KCNIP4: variants seen among roughly 807,000 people sequenced by gnomAD.
KCNIP4 encodes Kv channel-interacting protein 4.
In KCNIP4, 12 loss-of-function variants were observed where a neutral mutation model predicts 34.0. That is an observed-to-expected ratio of 0.35 (90% CI 0.23 to 0.57). The LOEUF is 0.57. KCNIP4 is among the 20% of genes least tolerant of loss of function. KCNIP4 has a pLI of 0.83. For synonymous variants in KCNIP4, 124 were observed against 102.2 expected (o/e 1.21, Z -1.29); for missense variants, 238 against 311.7 (o/e 0.76, Z 1.78).
intron 1 of KCNIP4, among the ~76,000 whole-genome samples, chr4:21,148,050 C>T (rs1199546344): frequency 6.6e-6 from 1 of 151,322 alleles, no homozygotes; most frequent in African/African-American, 2.4e-5. Flanking sequence ...TTTTCCCCTC[C>T]AAATCATAGA....
chr4:21,405,557 T>C (rs1723913373), intron 1 of KCNIP4, among the ~76,000 whole-genome samples: 1 of 152,220 alleles, frequency 6.6e-6, no homozygotes, highest in African/African-American at 2.4e-5. Context: ...GAAGTGACTA[T>C]GTGCCACTTT....
At chr4:20,837,360 T>A (rs1719166861) in intron 3 of KCNIP4, among the ~76,000 whole-genome samples, 1 of 152,136 alleles carries the variant, frequency 6.6e-6, no homozygotes, top group South Asian at 2.1e-4. Flanking sequence ...CAACATATTT[T>A]ATTTTAATAA....
At chr4:20,755,692 A>G (rs1457393025) in intron 4 of KCNIP4, among the ~76,000 whole-genome samples, 7 of 152,192 alleles carry the variant, frequency 4.6e-5, no homozygotes. Context: ...AGGTGTTGCA[A>G]TTTAAGATAG....
At chr4:20,762,761 G>A (rs2149365007) in intron 3 of KCNIP4, among the ~76,000 whole-genome samples, 3 of 152,254 alleles carry the variant, frequency 2.0e-5, no homozygotes, top group Admixed American at 2.0e-4. Flanking sequence ...TTTGGGATTT[G>A]GAATATTCAC....
intron 1 of KCNIP4, among the ~76,000 whole-genome samples, chr4:20,940,245 G>A (rs886589088): frequency 1.3e-5 from 2 of 152,124 alleles, no homozygotes; most frequent in Admixed American, 6.6e-5. Flanking sequence ...TGCATTAGAT[G>A]CAATTTCTCA....
At chr4:21,050,661 A>G (rs2108946382) in intron 1 of KCNIP4, among the ~76,000 whole-genome samples, 1 of 152,358 alleles carries the variant, frequency 6.6e-6, no homozygotes, top group East Asian at 1.9e-4. Context: ...TGATGGTTCA[A>G]CCAGCTAAGT....
chr4:21,691,761 G>A (rs1024610928), intron 1 of KCNIP4, among the ~76,000 whole-genome samples: 34 of 143,650 alleles, frequency 2.4e-4, no homozygotes, highest in African/African-American at 7.1e-4. Flanking sequence ...GTGCAATGGC[G>A]CCATCTTGGC....
rs1221919315 is a variant in KCNIP4, at chr4:20,728,765, T to TATC, written c.*1314_*1316dup. 5 of 152,544 alleles carry TATC rather than the reference T, an allele frequency of 3.3e-5. No individual in the cohort carries two copies. Among genetic ancestry groups the TATC allele is most frequent in the East Asian group, 1.9e-4 (1 of 5,186 alleles). 9.4% of individuals were successfully genotyped at this position (152,544 alleles called of 1,614,324 possible). On this transcript the variant is annotated 3_prime_UTR_variant, in exon 9 of 9. Transcript: ENST00000382152. ...GATAGCAGGGCAGCTTTCAACATCC[T>TATC]ATCTCTACACCAGAATAGATACCTG...
chr4:20,981,572 C>A (rs1050680727), intron 1 of KCNIP4, among the ~76,000 whole-genome samples: 1 of 152,136 alleles, frequency 6.6e-6, no homozygotes, highest in Non-Finnish European at 1.5e-5. Flanking sequence ...TGCTTCTGCT[C>A]GCAGTTACAT....
intron 1 of KCNIP4, among the ~76,000 whole-genome samples, chr4:21,275,932 A>G (rs952810036): frequency 3.9e-5 from 6 of 152,162 alleles, no homozygotes; most frequent in Non-Finnish European, 7.3e-5. Flanking sequence ...AAATACACTA[A>G]CAGTAATGAT....
chr4:21,107,453 T>C (rs932717770), intron 1 of KCNIP4, among the ~76,000 whole-genome samples: 11 of 151,396 alleles, frequency 7.3e-5, no homozygotes, highest in Non-Finnish European at 1.5e-4. Context: ...ATTTGCTCGG[T>C]AGATTTTCCT....
chr4:21,700,912 A>G (rs1026306809), intron 1 of KCNIP4, among the ~76,000 whole-genome samples: 1 of 152,156 alleles, frequency 6.6e-6, no homozygotes, highest in African/African-American at 2.4e-5. Context: ...GGGGATATAT[A>G]TAAAAAATTA....
chr4:21,424,898 C>T (rs1725806051), intron 1 of KCNIP4, among the ~76,000 whole-genome samples: 2 of 152,110 alleles, frequency 1.3e-5, no homozygotes, highest in African/African-American at 2.4e-5. Context: ...AATCCTGTCC[C>T]CAAATGTGCA....
Position 20,972,142 on chromosome 4 carries a change from A to T in KCNIP4, c.62-89433T>A, listed in dbSNP as rs78696663. On this transcript the variant is annotated intron_variant, in intron 1 of 8. Transcript: ENST00000382152. Reference sequence around the variant, plus strand: ...ACATTTACAGTTATTTCTTCTAATGAATTATTGAACCCCTCAAAATCATTC... The same window carrying T: ...ACATTTACAGTTATTTCTTCTAATGTATTATTGAACCCCTCAAAATCATTC... Among the ~76,000 whole-genome samples the T allele has an allele frequency of 1.3e-3, 205 of 152,324 alleles. 2 individuals are homozygous for T. The East Asian group carries it at 0.038, about 28-fold the overall frequency.
At chr4:21,931,557 T>G (rs1020757193) in intron 1 of KCNIP4, among the ~76,000 whole-genome samples, 65 of 151,908 alleles carry the variant, frequency 4.3e-4, no homozygotes, top group Admixed American at 5.2e-4. Context: ...CTGAGAATGA[T>G]GGTTTCCAGC....
At chr4:21,169,997 A>ACTT (rs1753902268) in intron 1 of KCNIP4, among the ~76,000 whole-genome samples, 1 of 152,140 alleles carries the variant, frequency 6.6e-6, no homozygotes, top group African/African-American at 2.4e-5. Flanking sequence ...GACAAATTAA[A>ACTT]CTTCTGTCTA....
intron 1 of KCNIP4, among the ~76,000 whole-genome samples, chr4:21,101,787 T>C (rs1334404776): frequency 6.6e-6 from 1 of 152,220 alleles, no homozygotes; most frequent in African/African-American, 2.4e-5. Context: ...CTAATATTAC[T>C]ATGTTTATTG....
chr4:21,082,547 C>T (rs947067866), intron 1 of KCNIP4, among the ~76,000 whole-genome samples: 7 of 151,680 alleles, frequency 4.6e-5, no homozygotes, highest in Non-Finnish European at 7.4e-5. Context: ...CAGACATCTG[C>T]CTTAAAGAGA....
At chr4:20,798,546 C>CAA (rs1560472471) in intron 3 of KCNIP4, among the ~76,000 whole-genome samples, 1 of 151,662 alleles carries the variant, frequency 6.6e-6, no homozygotes, top group African/African-American at 2.4e-5. Context: ...CACAGACACA[C>CAA]AAAAAAGCTA....
Sources: allele counts gnomAD v4.1 joint callset (sites outside exome capture counted in the v4.1 genomes callset), GRCh38; gene constraint gnomAD v4.1.1; transcripts MANE v1.5; gene names NCBI Gene and HGNC (gene_info 2026-07-23, HGNC 2026-07-21).